Variants in PSD3 observed in about 807,000 individuals in gnomAD.
PSD3 encodes PH and SEC7 domain-containing protein 3.
In PSD3, 49 loss-of-function variants were observed where a neutral mutation model predicts 105.5. The observed-to-expected ratio is 0.46, with a 90% confidence interval of 0.37 to 0.59. The LOEUF is 0.59. Among genes scored for constraint, PSD3 ranks in the 20% least tolerant of loss-of-function variants. The pLI is 0.00. For missense variants in PSD3, 1,561 were observed against 1,263.8 expected (o/e 1.24, Z -3.57); for synonymous variants, 557 against 457.8 (o/e 1.22, Z -2.77).
chr8:18,585,686 A>C (rs1052205678), intron 12 of PSD3, among the ~76,000 whole-genome samples: 1 of 152,116 alleles, frequency 6.6e-6, no homozygotes, highest in Non-Finnish European at 1.5e-5. Context: ...AAATACTCTC[A>C]TTTCTTATAA....
At chr8:18,604,168 T>C (rs1347515653) in intron 11 of PSD3, among the ~76,000 whole-genome samples, 5 of 152,140 alleles carry the variant, frequency 3.3e-5, no homozygotes, top group Admixed American at 2.6e-4. Flanking sequence ...TCCCAGAGAC[T>C]GGATGAATGG....
In PSD3 at chr8:18,877,953, T is replaced by A. The variant is rs369359720; in HGVS notation, c.131-5220A>T. On this transcript the variant is annotated intron_variant, in intron 2 of 15. Coordinates refer to ENST00000327040, the MANE Select transcript of PSD3 (RefSeq NM_015310.4). ...CCTTGTTCTTCCTTTTTCAGGTTGT[T>A]TTGGTCACTCTTGGCCCCTTGAATT... Among the ~76,000 whole-genome samples the A allele has an allele frequency of 5.3e-5, 8 of 152,278 alleles. No individual in the cohort carries two copies. The East Asian group carries it at 1.4e-3, about 26-fold the overall frequency.
chr8:18,607,630 G>T (rs1255243468), intron 11 of PSD3, among the ~76,000 whole-genome samples: 4 of 150,006 alleles, frequency 2.7e-5, no homozygotes, highest in Non-Finnish European at 5.9e-5. Context: ...AGCTGAGGCT[G>T]GGCACGGTGG....
chr8:18,540,687 C>T (rs538972080), intron 15 of PSD3, among the ~76,000 whole-genome samples: 2 of 152,270 alleles, frequency 1.3e-5, no homozygotes, highest in South Asian at 4.2e-4. Context: ...TCTCCCTGTT[C>T]CCTCCTTGCC....
intron 9 of PSD3, among the ~76,000 whole-genome samples, chr8:18,763,922 G>T (rs1041242840): frequency 6.6e-6 from 1 of 151,966 alleles, no homozygotes; most frequent in Admixed American, 6.6e-5. Flanking sequence ...TTTCCCATGA[G>T]GTTTATAAAC....
intron 2 of PSD3, among the ~76,000 whole-genome samples, chr8:18,912,488 T>A (rs963114966): frequency 6.6e-6 from 1 of 152,238 alleles, no homozygotes; most frequent in Non-Finnish European, 1.5e-5. Flanking sequence ...AAAAAATATA[T>A]ATATTCTTTG....
At chr8:18,637,149 G>A (rs907700591) in intron 10 of PSD3, among the ~76,000 whole-genome samples, 1 of 152,172 alleles carries the variant, frequency 6.6e-6, no homozygotes, top group Non-Finnish European at 1.5e-5. Flanking sequence ...CCCATGTGAG[G>A]AACAAATTTA....
chr8:18,569,111 G>C (rs1182157672), intron 14 of PSD3, among the ~76,000 whole-genome samples: 20 of 129,540 alleles, frequency 1.5e-4, no homozygotes, highest in Non-Finnish European at 2.5e-4. Context: ...TATCGTTGTT[G>C]GACATTTGGG....
intron 9 of PSD3, among the ~76,000 whole-genome samples, chr8:18,709,827 CCCAG>C (rs1802139440): frequency 6.6e-6 from 1 of 152,054 alleles, no homozygotes; most frequent in African/African-American, 2.4e-5. Flanking sequence ...CCACAAAAAC[CCCAG>C]CCAAAGGCCA....
chr8:18,613,890 T>C (rs1159386533), intron 11 of PSD3, among the ~76,000 whole-genome samples: 3 of 152,156 alleles, frequency 2.0e-5, no homozygotes, highest in African/African-American at 4.8e-5. Context: ...ACAGCAACAA[T>C]AAATGAACTA....
chr8:18,877,075 A>T (rs924469580), intron 2 of PSD3, among the ~76,000 whole-genome samples: 1 of 152,146 alleles, frequency 6.6e-6, no homozygotes, highest in African/African-American at 2.4e-5. Context: ...TCTTTATTAG[A>T]TGTACACTTT....
chr8:18,898,359 C>G (rs1039030335), intron 2 of PSD3, among the ~76,000 whole-genome samples: 1 of 152,112 alleles, frequency 6.6e-6, no homozygotes, highest in South Asian at 2.1e-4. Context: ...TAATGACCTT[C>G]TTTGTCTCTT....
At chr8:18,639,364 C>T (rs1807484031) in intron 10 of PSD3, among the ~76,000 whole-genome samples, 1 of 151,804 alleles carries the variant, frequency 6.6e-6, no homozygotes, top group South Asian at 2.1e-4. Flanking sequence ...TGGAATGTTT[C>T]CCTAAGAAAA....
At chr8:18,777,939 A>G (rs1045375862) in intron 8 of PSD3, among the ~76,000 whole-genome samples, 3 of 152,224 alleles carry the variant, frequency 2.0e-5, no homozygotes, top group African/African-American at 7.2e-5. Flanking sequence ...CAATATAATG[A>G]AATGTAATTT....
intron 15 of PSD3, among the ~76,000 whole-genome samples, chr8:18,537,190 C>T (rs189937100): frequency 6.0e-4 from 91 of 152,264 alleles, no homozygotes; most frequent in Non-Finnish European, 1.1e-3. Context: ...TTATTGAGTA[C>T]CAACAGCTTA....
intron 6 of PSD3, 99 bp downstream of exon 6, chr8:18,804,423 A>T (rs201384998): frequency 1.2e-3 from 7 of 5,822 alleles, no homozygotes; most frequent in East Asian, 2.0e-3. Flanking sequence ...ATGGAGGTTT[A>T]AAAAAAAAAA....
intron 9 of PSD3, chr8:18,763,174 A>C: frequency 2.5e-6 from 1 of 405,168 alleles, no homozygotes; most frequent in Middle Eastern, 3.5e-4. Flanking sequence ...AATTAATCTA[A>C]AAGTATCAAG....
At chr8:18,691,493 A>G (rs1369316163) in intron 9 of PSD3, among the ~76,000 whole-genome samples, 13 of 152,228 alleles carry the variant, frequency 8.5e-5, no homozygotes, top group Admixed American at 8.5e-4. Flanking sequence ...CTTACCCTAT[A>G]TACCTGAGGC....
At chr8:18,571,583 A>C (rs1802144245) in intron 14 of PSD3, among the ~76,000 whole-genome samples, 1 of 152,214 alleles carries the variant, frequency 6.6e-6, no homozygotes, top group Non-Finnish European at 1.5e-5. Flanking sequence ...CACCTTCAGC[A>C]GAGGATCTGG....
Sources: allele counts gnomAD v4.1 joint callset (sites outside exome capture counted in the v4.1 genomes callset), GRCh38; gene constraint gnomAD v4.1.1; transcripts MANE v1.5; gene names NCBI Gene and HGNC (gene_info 2026-07-23, HGNC 2026-07-21).